Variants in RBM47 observed in about 807,000 individuals in gnomAD.
RBM47 encodes the protein RNA-binding protein 47.
RBM47 carries 21 observed loss-of-function variants against 47.1 expected under a neutral mutation model. The ratio of observed to expected loss-of-function variants is 0.45; its 90% CI spans 0.32 to 0.64. The LOEUF (loss-of-function observed/expected upper bound fraction) is 0.64, where lower values mean the gene tolerates loss of function less well. Among genes scored for constraint, RBM47 ranks in the 30% least tolerant of loss-of-function variants. The probability of loss-of-function intolerance (pLI) is 0.05; values close to 1 mark genes in which losing one functional copy is unlikely to be tolerated. For synonymous variants in RBM47, 375 were observed against 361.7 expected, an observed-to-expected ratio of 1.04 and a Z score of -0.42; for missense variants, 708 against 870.9, an observed-to-expected ratio of 0.81 and a Z score of 2.35.
intron 1 of RBM47, among the ~76,000 whole-genome samples, chr4:40,575,010 C>G (rs915788656): frequency 6.6e-6 from 1 of 152,148 alleles, no homozygotes; most frequent in African/African-American, 2.4e-5. Flanking sequence ...CAATTGGGAA[C>G]CATTTGGGTC....
intron 1 of RBM47, among the ~76,000 whole-genome samples, chr4:40,622,930 G>A (rs897258741): frequency 1.3e-5 from 2 of 152,146 alleles, no homozygotes; most frequent in African/African-American, 2.4e-5. Context: ...AGGAGTGTGC[G>A]GGGAGAGCGG....
intron 1 of RBM47, among the ~76,000 whole-genome samples, chr4:40,604,781 A>G (rs1453097815): frequency 3.9e-5 from 6 of 151,934 alleles, no homozygotes; most frequent in Non-Finnish European, 8.8e-5. Flanking sequence ...CAGTGGTGCA[A>G]TCTCAGCTCA....
chr4:40,605,601 C>T (rs549767645), intron 1 of RBM47, among the ~76,000 whole-genome samples: 10 of 151,984 alleles, frequency 6.6e-5, no homozygotes, highest in South Asian at 4.2e-4. Context: ...GAGGCCAAGG[C>T]GGGCAGATCA....
At chr4:40,441,608 A>G (rs543167031) in intron 3 of RBM47, among the ~76,000 whole-genome samples, 81 of 152,342 alleles carry the variant, frequency 5.3e-4, no homozygotes, top group Non-Finnish European at 1.1e-3. Flanking sequence ...TGTACTGTAT[A>G]CAACATTAAC....
intron 2 of RBM47, among the ~76,000 whole-genome samples, chr4:40,467,047 T>C (rs933420190): frequency 1.6e-4 from 25 of 152,200 alleles, no homozygotes; most frequent in African/African-American, 1.7e-4. Context: ...ATGTAGCCTA[T>C]ATTTTACACT....
intron 1 of RBM47, among the ~76,000 whole-genome samples, chr4:40,595,048 G>A (rs1198143815): frequency 6.6e-6 from 1 of 152,104 alleles, no homozygotes; most frequent in African/African-American, 2.4e-5. Flanking sequence ...TGGACTGCTT[G>A]GCTTCAAAGC....
intron 3 of RBM47, among the ~76,000 whole-genome samples, chr4:40,452,391 A>G (rs959049007): frequency 8.5e-5 from 13 of 152,294 alleles, no homozygotes; most frequent in African/African-American, 1.4e-4. Context: ...AGCTTTAGCC[A>G]TGACTAGGAA....
At chr4:40,488,255 A>G (rs567745891) in intron 2 of RBM47, among the ~76,000 whole-genome samples, 44 of 145,488 alleles carry the variant, frequency 3.0e-4, no homozygotes, top group African/African-American at 1.1e-3. Context: ...CAGAGGCTGC[A>G]GTGAGCAGAG....
intron 1 of RBM47, among the ~76,000 whole-genome samples, chr4:40,602,292 C>G (rs16852391): frequency 0.11 from 16,583 of 152,114 alleles, 982 homozygotes; most frequent in South Asian, 0.13. Flanking sequence ...CAGAATGACT[C>G]CATATGGTTT....
chr4:40,538,775 A>G (rs1728224269), intron 2 of RBM47, among the ~76,000 whole-genome samples: 1 of 152,044 alleles, frequency 6.6e-6, no homozygotes, highest in Admixed American at 6.6e-5. Flanking sequence ...CTGACATTAC[A>G]GATGTGCACC....
At chr4:40,453,278 C>T (rs1223038362) in intron 3 of RBM47, among the ~76,000 whole-genome samples, 1 of 152,212 alleles carries the variant, frequency 6.6e-6, no homozygotes, top group Non-Finnish European at 1.5e-5. Context: ...GGTCACAAAA[C>T]TTCCTTCAAC....
chr4:40,514,928 A>C (rs561861684), intron 2 of RBM47, among the ~76,000 whole-genome samples: 71 of 128,244 alleles, frequency 5.5e-4, no homozygotes, highest in African/African-American at 2.6e-3. Context: ...GAGCTGAAAA[A>C]CTGTCAAAGG....
chr4:40,599,371 C>A lies in RBM47; in HGVS notation c.-240+30025G>T, dbSNP rs556273591. 1.4e-4 allele frequency among the ~76,000 whole-genome samples: 22 copies of A among 152,214 alleles called. No individual in the cohort carries two copies. The East Asian group carries it at 3.9e-3, about 27-fold the overall frequency. On this transcript the variant is annotated intron_variant, in intron 1 of 6. Transcript: ENST00000295971. ...AGGTACTTACACTTACCACCCCCAA[C>A]CCAGGAAAATGGAAACCCATTTAGG...
intron 1 of RBM47, among the ~76,000 whole-genome samples, chr4:40,583,117 C>A (rs1733117414): frequency 6.6e-6 from 1 of 151,976 alleles, no homozygotes; most frequent in South Asian, 2.1e-4. Context: ...CAAGAAAGAG[C>A]AAAGGGAGAC....
intron 1 of RBM47, among the ~76,000 whole-genome samples, chr4:40,559,213 T>C (rs760150985): frequency 6.6e-6 from 1 of 152,204 alleles, no homozygotes; most frequent in Non-Finnish European, 1.5e-5. Context: ...TTGGATTATA[T>C]GGAAAAGCAG....
chr4:40,581,420 C>CA (rs1296360492), intron 1 of RBM47, among the ~76,000 whole-genome samples: 5 of 80,590 alleles, frequency 6.2e-5, no homozygotes, highest in South Asian at 3.7e-4. Context: ...GAACTTGTCT[C>CA]AAAAAAAAAG....
At chr4:40,490,643 C>T (rs1316032284) in intron 2 of RBM47, among the ~76,000 whole-genome samples, 1 of 151,692 alleles carries the variant, frequency 6.6e-6, no homozygotes, top group African/African-American at 2.4e-5. Context: ...GGCGTGGTGG[C>T]GCCTGGCCGA....
At chr4:40,569,555 G>A (rs961906567) in intron 1 of RBM47, among the ~76,000 whole-genome samples, 6 of 144,126 alleles carry the variant, frequency 4.2e-5, no homozygotes, top group East Asian at 2.1e-4. Flanking sequence ...GACTACAGGC[G>A]CCCACCACCA....
chr4:40,457,506 A>G (rs1412421240), intron 3 of RBM47, among the ~76,000 whole-genome samples: 1 of 151,982 alleles, frequency 6.6e-6, no homozygotes, highest in Non-Finnish European at 1.5e-5. Flanking sequence ...TAGTGACACG[A>G]TCTCAGCTCA....
Sources: gnomAD v4.1 joint callset for allele counts (sites outside exome capture counted in the v4.1 genomes callset) on GRCh38, gnomAD v4.1.1 for gene constraint, MANE v1.5 for transcripts, NCBI Gene and HGNC (gene_info 2026-07-23, HGNC 2026-07-21) for gene names.